Variants in MAGI2 observed in about 807,000 individuals in gnomAD.
MAGI2 encodes membrane-associated guanylate kinase, WW and PDZ domain-containing protein 2.
In MAGI2, 35 loss-of-function variants were observed where a neutral mutation model predicts 133.3. The ratio of observed to expected loss-of-function variants is 0.26; its 90% CI spans 0.20 to 0.35. The LOEUF is 0.35. Among genes scored for constraint, MAGI2 ranks in the 10% least tolerant of loss-of-function variants. The pLI is 1.00. For missense variants in MAGI2, 1,636 were observed against 1,863.4 expected (o/e 0.88, Z 2.25); for synonymous variants, 729 against 710.6 (o/e 1.03, Z -0.41).
At chr7:78,276,113 T>A (rs1362221811) in intron 9 of MAGI2, among the ~76,000 whole-genome samples, 2 of 152,184 alleles carry the variant, frequency 1.3e-5, no homozygotes, top group Non-Finnish European at 2.9e-5. Flanking sequence ...ACTTAGTCAA[T>A]GAATAATATA....
At chr7:79,327,559 T>C (rs1839786250) in intron 1 of MAGI2, among the ~76,000 whole-genome samples, 1 of 152,134 alleles carries the variant, frequency 6.6e-6, no homozygotes, top group African/African-American at 2.4e-5. Flanking sequence ...GACAGGATTA[T>C]GGTTACATAA....
chr7:78,894,004 C>T (rs1422837637), intron 2 of MAGI2, among the ~76,000 whole-genome samples: 2 of 152,122 alleles, frequency 1.3e-5, no homozygotes, highest in African/African-American at 4.8e-5. Flanking sequence ...CCAATAAATG[C>T]AAGAACTGGG....
intron 1 of MAGI2, among the ~76,000 whole-genome samples, chr7:79,022,931 G>C (rs1809490014): frequency 6.6e-6 from 1 of 152,022 alleles, no homozygotes; most frequent in African/African-American, 2.4e-5. Context: ...ATATAAGGAA[G>C]AGCTGGTACT....
At chr7:78,252,971 C>A (rs6956767) in intron 10 of MAGI2, 147,763 of 147,770 alleles carry the variant, frequency 1, 73,878 homozygotes, top group Middle Eastern at 1. Context: ...CAATGGGCAG[C>A]TATTGGAAAC....
intron 7 of MAGI2, among the ~76,000 whole-genome samples, chr7:78,355,270 G>A (rs1314938038): frequency 6.6e-6 from 1 of 152,186 alleles, no homozygotes; most frequent in Non-Finnish European, 1.5e-5. Flanking sequence ...TAAAGAACAG[G>A]AAAGGTGTGA....
intron 2 of MAGI2, among the ~76,000 whole-genome samples, chr7:78,970,807 G>A (rs1488035856): frequency 6.6e-6 from 1 of 152,048 alleles, no homozygotes; most frequent in African/African-American, 2.4e-5. Flanking sequence ...AGGAGTCACA[G>A]CTTTCTTGTA....
At chr7:79,107,240 C>A (rs1818522781) in intron 1 of MAGI2, among the ~76,000 whole-genome samples, 1 of 152,092 alleles carries the variant, frequency 6.6e-6, no homozygotes, top group South Asian at 2.1e-4. Context: ...GAAATGAACT[C>A]AAATCTCCAT....
At chr7:79,047,867 T>C (rs932410649) in intron 1 of MAGI2, among the ~76,000 whole-genome samples, 5 of 152,170 alleles carry the variant, frequency 3.3e-5, no homozygotes, top group Non-Finnish European at 4.4e-5. Context: ...TATCCTCTTA[T>C]AGTGAGTAGG....
intron 14 of MAGI2, among the ~76,000 whole-genome samples, chr7:78,176,908 G>GACTCTCACACAC (rs781171770): frequency 3.8e-4 from 50 of 130,486 alleles, no homozygotes; most frequent in African/African-American, 1.4e-3. Flanking sequence ...ACCATATATA[G>GACTCTCACACAC]ACACACACAC....
At chr7:78,796,524 T>C (rs181248028) in intron 2 of MAGI2, among the ~76,000 whole-genome samples, 46 of 152,174 alleles carry the variant, frequency 3.0e-4, no homozygotes, top group African/African-American at 8.7e-4. Flanking sequence ...AGGATGCTCA[T>C]ACACTGTTGG....
chr7:78,533,368 AAAGT>A (rs1348380599), intron 3 of MAGI2, among the ~76,000 whole-genome samples: 1 of 152,224 alleles, frequency 6.6e-6, no homozygotes, highest in African/African-American at 2.4e-5. Flanking sequence ...AGGAATAAGA[AAAGT>A]AAGGACAAGG....
intron 2 of MAGI2, among the ~76,000 whole-genome samples, chr7:78,877,515 C>T (rs956680377): frequency 6.6e-5 from 10 of 152,136 alleles, no homozygotes; most frequent in African/African-American, 1.2e-4. Context: ...CAATGGGCCT[C>T]GGCTATGGAG....
chr7:78,101,081 G>A (rs1014649250), intron 20 of MAGI2, among the ~76,000 whole-genome samples: 1 of 152,126 alleles, frequency 6.6e-6, no homozygotes, highest in Non-Finnish European at 1.5e-5. Flanking sequence ...ATGATATCCT[G>A]TGTTCATGGA....
chr7:78,133,810 T>C (rs775911739), intron 17 of MAGI2, among the ~76,000 whole-genome samples: 29 of 152,178 alleles, frequency 1.9e-4, no homozygotes, highest in Non-Finnish European at 4.1e-4. Flanking sequence ...CTGGAGATAG[T>C]AGGTTATAAA....
At chr7:78,873,529 C>T (rs775700132) in intron 2 of MAGI2, among the ~76,000 whole-genome samples, 1 of 152,112 alleles carries the variant, frequency 6.6e-6, no homozygotes, top group Non-Finnish European at 1.5e-5. Flanking sequence ...TGTCTCCCAT[C>T]ACCCCCAGAT....
At chr7:78,754,325 C>T (rs957753050) in intron 2 of MAGI2, among the ~76,000 whole-genome samples, 3 of 151,794 alleles carry the variant, frequency 2.0e-5, no homozygotes, top group East Asian at 1.9e-4. Context: ...GAGCCATGAT[C>T]GTACCACTGC....
At chr7:78,726,385 T>C (rs1420317053) in intron 2 of MAGI2, among the ~76,000 whole-genome samples, 1 of 152,262 alleles carries the variant, frequency 6.6e-6, no homozygotes, top group Non-Finnish European at 1.5e-5. Context: ...AATGTATCTT[T>C]GTCTCCACCT....
intron 10 of MAGI2, among the ~76,000 whole-genome samples, chr7:78,243,263 A>T (rs895837059): frequency 2.1e-4 from 13 of 62,394 alleles, no homozygotes; most frequent in African/African-American, 5.2e-4. Flanking sequence ...ACACACACAC[A>T]CACACACTCT....
chr7:79,125,137 A>G, intron 1 of MAGI2: 1 of 314,030 alleles, frequency 3.2e-6, no homozygotes, highest in Non-Finnish European at 6.2e-6. Flanking sequence ...ACTGATTAAA[A>G]TCATTACTGA....
Sources: gnomAD v4.1 joint callset for allele counts (sites outside exome capture counted in the v4.1 genomes callset) on GRCh38, gnomAD v4.1.1 for gene constraint, MANE v1.5 for transcripts, NCBI Gene and HGNC (gene_info 2026-07-23, HGNC 2026-07-21) for gene names.